Variants in UTRN observed in about 807,000 individuals in gnomAD.
The protein encoded by UTRN is dystrophin-related protein 1.
Under a neutral mutation model 463.9 loss-of-function variants are expected in UTRN, and 283 were observed. The observed-to-expected ratio is 0.61, with a 90% confidence interval of 0.55 to 0.67. The LOEUF (loss-of-function observed/expected upper bound fraction) is 0.67. Among genes scored for constraint, UTRN ranks in the 30% least tolerant of loss-of-function variants. UTRN has a pLI of 0.00. For missense variants in UTRN, 3,922 were observed against 4,084.3 expected, an observed-to-expected ratio of 0.96 and a Z score of 1.08; for synonymous variants, 1,442 against 1,431.5, an observed-to-expected ratio of 1.01 and a Z score of -0.17.
intron 34 of UTRN, among the ~76,000 whole-genome samples, chr6:144,501,632 T>A (rs1413628801): frequency 1.3e-5 from 2 of 152,192 alleles, no homozygotes; most frequent in Non-Finnish European, 2.9e-5. Flanking sequence ...TTAATTTTTT[T>A]ATTTTCTCAT....
chr6:144,716,739 C>T lies in UTRN; in HGVS notation c.7810-13618C>T, dbSNP rs1786494802. Among the ~76,000 whole-genome samples the T allele has an allele frequency of 2.6e-5, 4 of 152,130 alleles. No homozygotes were observed. The South Asian group carries it at 6.2e-4, about 24-fold the overall frequency. On this transcript the variant is annotated intron_variant, in intron 53 of 74. Coordinates refer to ENST00000367545, the MANE Select transcript of UTRN (RefSeq NM_007124.3). ...TTCCTTTTTGCATATTTACCTTTTG[C>T]ATAGTTTTACTTGGGTGCAGAGTTT... is the stretch of plus-strand genomic sequence containing the variant.
intron 60 of UTRN, among the ~76,000 whole-genome samples, chr6:144,780,314 CAT>C (rs1224213180): frequency 1.2e-4 from 18 of 151,938 alleles, no homozygotes; most frequent in Admixed American, 5.9e-4. Flanking sequence ...AAATATATAA[CAT>C]ATGTGTATAT....
intron 46 of UTRN, among the ~76,000 whole-genome samples, chr6:144,544,694 T>C (rs1798247040): frequency 6.7e-6 from 1 of 148,856 alleles, no homozygotes; most frequent in African/African-American, 2.4e-5. Context: ...CTCATCTCAT[T>C]TTCAAAAGAA....
chr6:144,520,578 A>G (rs1796000482), intron 39 of UTRN, among the ~76,000 whole-genome samples: 2 of 152,230 alleles, frequency 1.3e-5, no homozygotes, highest in South Asian at 2.1e-4. Flanking sequence ...TAACCTGGCT[A>G]TCCAGAACTA....
chr6:144,801,055 A>G (rs1472612288), intron 64 of UTRN, among the ~76,000 whole-genome samples: 1 of 152,222 alleles, frequency 6.6e-6, no homozygotes, highest in Non-Finnish European at 1.5e-5. Flanking sequence ...ATGTGCAAAC[A>G]ACTTGTTTAA....
intron 51 of UTRN, among the ~76,000 whole-genome samples, chr6:144,642,782 A>G (rs899127484): frequency 6.6e-6 from 1 of 152,106 alleles, no homozygotes; most frequent in Non-Finnish European, 1.5e-5. Context: ...GGGAATAAAT[A>G]TTGGTATGGT....
At chr6:144,391,046 A>G in intron 2 of UTRN, among the ~76,000 whole-genome samples, 1 of 152,166 alleles carries the variant, frequency 6.6e-6, no homozygotes, top group Non-Finnish European at 1.5e-5. Flanking sequence ...AAGACAACAA[A>G]CATAACAAAG....
At chr6:144,790,915 A>G (rs1018764028) in intron 62 of UTRN, among the ~76,000 whole-genome samples, 1 of 152,200 alleles carries the variant, frequency 6.6e-6, no homozygotes, top group Non-Finnish European at 1.5e-5. Context: ...CAAAGCTTAC[A>G]TTGTGGATAA....
intron 54 of UTRN, among the ~76,000 whole-genome samples, chr6:144,732,650 T>TATGTC (rs1176794742): frequency 5.4e-5 from 8 of 147,314 alleles, no homozygotes; most frequent in Admixed American, 1.4e-4. Context: ...TGTTTCATTT[T>TATGTC]ATGTCATGTT....
At chr6:144,790,098 T>A (rs2128742757) in intron 62 of UTRN, among the ~76,000 whole-genome samples, 1 of 152,366 alleles carries the variant, frequency 6.6e-6, no homozygotes, top group Non-Finnish European at 1.5e-5. Flanking sequence ...AAGCTAATAA[T>A]TCCTGCTTGG....
intron 58 of UTRN, among the ~76,000 whole-genome samples, chr6:144,770,097 C>T (rs1793833634): frequency 6.6e-6 from 1 of 152,164 alleles, no homozygotes; most frequent in African/African-American, 2.4e-5. Context: ...AAGTATTTGT[C>T]TCTGCATTGG....
intron 51 of UTRN, among the ~76,000 whole-genome samples, chr6:144,616,138 T>G (rs966832267): frequency 9.9e-5 from 15 of 152,178 alleles, no homozygotes; most frequent in Admixed American, 8.5e-4. Context: ...ATGTACAATG[T>G]TTTATACTGT....
intron 2 of UTRN, among the ~76,000 whole-genome samples, chr6:144,372,783 G>A (rs1052955849): frequency 2.7e-4 from 41 of 152,074 alleles, no homozygotes; most frequent in African/African-American, 8.0e-4. Context: ...GATTATAGGC[G>A]TGAGTCATCA....
At chr6:144,491,134 G>A in intron 32 of UTRN, 32 bp downstream of exon 32, 2 of 1,565,718 alleles carry the variant, frequency 1.3e-6, no homozygotes. Flanking sequence ...CACATCCAGT[G>A]GCTTTTTCAG....
intron 51 of UTRN, among the ~76,000 whole-genome samples, chr6:144,611,591 A>T (rs1487027084): frequency 6.6e-6 from 1 of 151,252 alleles, no homozygotes; most frequent in Non-Finnish European, 1.5e-5. Flanking sequence ...AAAATTAAGT[A>T]AACAATCCCA....
Position 144,797,850 on chromosome 6 carries a change from G to A in UTRN, c.9105G>A (p.Val3035=). ...QQNNNKPEIS[V]KEFIDWMHLE... is the part of the protein sequence containing the mutation. The stretch of plus-strand genomic sequence containing the variant: ...ATAACAATAAACCAGAAATAAGTGT[G>A]AAAGAGTTTATAGATTGGATGCATT... Residue 3035 remains valine (V), a synonymous_variant, in exon 64 of 75, where the codon GTG becomes GTA. Coordinates refer to ENST00000367545, the MANE Select transcript of UTRN (RefSeq NM_007124.3). The A allele has an allele frequency of 6.2e-7, 1 of 1,614,002 alleles. No homozygotes were observed. Among genetic ancestry groups the A allele is most frequent in the South Asian group, 1.1e-5 (1 of 91,056 alleles).
chr6:144,310,485 G>A (rs1212821546), intron 2 of UTRN, among the ~76,000 whole-genome samples: 1 of 149,968 alleles, frequency 6.7e-6, no homozygotes, highest in Non-Finnish European at 1.5e-5. Context: ...GCAGTGAGCT[G>A]AGATGAGCCA....
chr6:144,539,273 C>G, intron 44 of UTRN, 21 bp from the exon 45 acceptor site: 5 of 1,587,378 alleles, frequency 3.1e-6, no homozygotes, highest in Non-Finnish European at 4.3e-6. Context: ...TCTAACCACA[C>G]CTATCTTTTA....
At chr6:144,572,510 A>G (rs1223919013) in intron 50 of UTRN, among the ~76,000 whole-genome samples, 2 of 151,952 alleles carry the variant, frequency 1.3e-5, no homozygotes, top group Admixed American at 6.6e-5. Context: ...TAAGCCCCGC[A>G]TGCATTAGGC....
Sources: allele counts gnomAD v4.1 joint callset (sites outside exome capture counted in the v4.1 genomes callset), GRCh38; gene constraint gnomAD v4.1.1; transcripts MANE v1.5; gene names NCBI Gene and HGNC (gene_info 2026-07-23, HGNC 2026-07-21).